The following PSD3 variants were observed in gnomAD, a reference collection of about 807,000 sequenced individuals.
PSD3 encodes the protein pleckstrin and Sec7 domain containing 3.
A neutral mutation model predicts 105.5 loss-of-function variants in PSD3; 49 were observed. The observed-to-expected ratio is 0.46, with a 90% CI of 0.37 to 0.59. The LOEUF (loss-of-function observed/expected upper bound fraction) is 0.59. Among genes scored for constraint, PSD3 ranks in the 20% least tolerant of loss-of-function variants. The pLI, the probability that PSD3 is intolerant of heterozygous loss-of-function variation, is 0.00. For synonymous variants in PSD3, 557 were observed against 457.8 expected, an observed-to-expected ratio of 1.22 and a Z score of -2.77; for missense variants, 1,561 against 1,263.8, an observed-to-expected ratio of 1.24 and a Z score of -3.57.
At chr8:18,898,897 G>A (rs73582658) in intron 2 of PSD3, among the ~76,000 whole-genome samples, 3,263 of 152,178 alleles carry the variant, frequency 0.021, 103 homozygotes, top group African/African-American at 0.075. Flanking sequence ...AGAGAGGCAG[G>A]CACATTCAGT....
intron 9 of PSD3, among the ~76,000 whole-genome samples, chr8:18,656,481 G>A (rs1007015166): frequency 8.7e-5 from 12 of 137,988 alleles, no homozygotes; most frequent in African/African-American, 2.6e-4. Flanking sequence ...TTAGAGTTTC[G>A]ATACCACTGA....
intron 1 of PSD3, among the ~76,000 whole-genome samples, chr8:19,010,922 C>A (rs554701743): frequency 1.3e-5 from 2 of 151,580 alleles, no homozygotes; most frequent in African/African-American, 4.9e-5. Context: ...CGGGAAGAAC[C>A]CCTAAATGGT....
At chr8:18,692,822 T>C (rs974602722) in intron 9 of PSD3, among the ~76,000 whole-genome samples, 1 of 152,206 alleles carries the variant, frequency 6.6e-6, no homozygotes, top group African/African-American at 2.4e-5. Flanking sequence ...ATATAGATGT[T>C]ATTTTAACTC....
chr8:18,687,305 T>C (rs1393497335), intron 9 of PSD3, among the ~76,000 whole-genome samples: 1 of 151,736 alleles, frequency 6.6e-6, no homozygotes, highest in Non-Finnish European at 1.5e-5. Context: ...TCTCTACAAA[T>C]AATACAAAAA....
At chr8:18,586,382 T>C (rs1318043389) in intron 12 of PSD3, among the ~76,000 whole-genome samples, 1 of 152,164 alleles carries the variant, frequency 6.6e-6, no homozygotes, top group Non-Finnish European at 1.5e-5. Flanking sequence ...TACTCTCCAT[T>C]TGTAATGAAG....
At chr8:18,627,757 G>T (rs1418081387) in intron 11 of PSD3, among the ~76,000 whole-genome samples, 1 of 150,050 alleles carries the variant, frequency 6.7e-6, no homozygotes, top group African/African-American at 2.5e-5. Flanking sequence ...CTGAAAAATG[G>T]AAAATTCACA....
chr8:18,841,720 G>T lies in PSD3; in HGVS notation c.1634+25954C>A, dbSNP rs749474024. Among the ~76,000 whole-genome samples, 3 of 152,226 alleles carry T rather than the reference G, an allele frequency of 2.0e-5. 1 individual carries two copies. The South Asian group carries it at 6.2e-4, about 32-fold the overall frequency. On this transcript the variant is annotated intron_variant, in intron 4 of 15. Transcript: ENST00000327040. ...AGTTTTCAAGAGACCTCCATCTGGC[G>T]CTAACATGAATGAACCATCTTCAGG...
In PSD3 at chr8:18,765,305, G is replaced by A. The variant is rs10101069; in HGVS notation, c.2172+144C>T. The A allele has an allele frequency of 1.9e-5, 13 of 683,538 alleles. No homozygotes were observed. In the African/African-American group the frequency reaches 2.3e-4, roughly 12 times the overall value. 42.3% of individuals were successfully genotyped at this position (683,538 alleles called of 1,614,324 possible). ...GGTACTTTGCAGCACGAAAAATCAA[G>A]GACAAGGCTTAAAAGAAACATCACC... On this transcript the variant is annotated intron_variant, in intron 9 of 15. Transcript: ENST00000327040.
At chr8:19,075,070 C>G (rs1829422624) in intron 1 of PSD3, among the ~76,000 whole-genome samples, 1 of 151,978 alleles carries the variant, frequency 6.6e-6, no homozygotes, top group African/African-American at 2.4e-5. Flanking sequence ...CTCGGCCTCC[C>G]AAGTAGTTGG....
chr8:18,951,604 C>T (rs1360504119), intron 1 of PSD3, among the ~76,000 whole-genome samples: 2 of 152,160 alleles, frequency 1.3e-5, no homozygotes, highest in Non-Finnish European at 2.9e-5. Flanking sequence ...TTGTTAGTTG[C>T]TTTTATCAAT....
chr8:18,810,594 AGAAGTT>A (rs1352919417), intron 4 of PSD3, among the ~76,000 whole-genome samples: 3 of 152,308 alleles, frequency 2.0e-5, no homozygotes, highest in African/African-American at 7.2e-5. Context: ...AGGACCAAAA[AGAAGTT>A]AGGTTAAGGT....
chr8:18,619,046 C>G (rs557976596), intron 11 of PSD3, among the ~76,000 whole-genome samples: 1 of 152,024 alleles, frequency 6.6e-6, no homozygotes, highest in Admixed American at 6.6e-5. Context: ...TGCTTGAGCT[C>G]AAAGTGTTTT....
intron 1 of PSD3, among the ~76,000 whole-genome samples, chr8:18,947,832 T>C (rs1398630433): frequency 6.6e-6 from 1 of 152,172 alleles, no homozygotes; most frequent in Non-Finnish European, 1.5e-5. Flanking sequence ...TTTATTTTTT[T>C]TGAAGTGTGA....
At chr8:18,844,527 G>C (rs1180950106) in intron 4 of PSD3, among the ~76,000 whole-genome samples, 1 of 151,752 alleles carries the variant, frequency 6.6e-6, no homozygotes, top group Non-Finnish European at 1.5e-5. Context: ...AGCTCTTATT[G>C]TTCTCTACCC....
At chr8:18,779,427 G>A (rs1008100670) in intron 8 of PSD3, among the ~76,000 whole-genome samples, 3 of 149,890 alleles carry the variant, frequency 2.0e-5, no homozygotes, top group African/African-American at 7.3e-5. Flanking sequence ...CCTCTGTATA[G>A]CCTTTTTTTC....
chr8:18,980,464 G>A lies in PSD3; in HGVS notation c.21+33099C>T, dbSNP rs192378543. Among the ~76,000 whole-genome samples, 112 of 152,230 alleles carry A rather than the reference G, an allele frequency of 7.4e-4. 1 individual carries two copies. The highest frequency in any genetic ancestry group is 2.6e-3 in the African/African-American group (106 of 41,550). On this transcript the variant is annotated intron_variant, in intron 1 of 15. Transcript: ENST00000327040. ...GGTTGGTTGGTTGGTTCGTTGGTTGGTTGGTTGGTTGGGTTTTATCAGTCT... is the reference window on the plus strand; with the variant it reads ...GGTTGGTTGGTTGGTTCGTTGGTTGATTGGTTGGTTGGGTTTTATCAGTCT...
At chr8:18,613,874 T>C (rs1458995894) in intron 11 of PSD3, among the ~76,000 whole-genome samples, 1 of 152,084 alleles carries the variant, frequency 6.6e-6, no homozygotes, top group Non-Finnish European at 1.5e-5. Context: ...GCGCTGCAAC[T>C]CCTAAACAGC....
At chr8:18,885,210 C>T (rs575565967) in intron 2 of PSD3, among the ~76,000 whole-genome samples, 61 of 152,236 alleles carry the variant, frequency 4.0e-4, no homozygotes, top group Middle Eastern at 3.4e-3. Flanking sequence ...CCACTTTCTA[C>T]GATCCTTTCT....
chr8:18,564,928 C>G (rs565131378), intron 14 of PSD3, among the ~76,000 whole-genome samples: 1 of 152,218 alleles, frequency 6.6e-6, no homozygotes, highest in South Asian at 2.1e-4. Context: ...ATTTAGTACC[C>G]ATGGATTCAA....
Sources: allele counts gnomAD v4.1 joint callset (sites outside exome capture counted in the v4.1 genomes callset), GRCh38; gene constraint gnomAD v4.1.1; transcripts MANE v1.5; gene names NCBI Gene and HGNC (gene_info 2026-07-23, HGNC 2026-07-21).